The following DOK6 variants were observed in gnomAD, a reference collection of about 807,000 sequenced individuals.
DOK6 encodes downstream of tyrosine kinase 6.
In DOK6, 22 loss-of-function variants were observed where a neutral mutation model predicts 44.0. The observed-to-expected ratio is 0.50, with a 90% confidence interval of 0.36 to 0.71. The LOEUF (loss-of-function observed/expected upper bound fraction) is 0.71, where lower values mean the gene tolerates loss of function less well. Ranked by LOEUF, DOK6 falls within the 30% of genes least tolerant of loss-of-function variation. The pLI, the probability that DOK6 is intolerant of heterozygous loss-of-function variation, is 0.00. For synonymous variants in DOK6, 166 were observed against 145.5 expected (o/e 1.14, Z -1.01); for missense variants, 340 against 416.4 (o/e 0.82, Z 1.60).
intron 6 of DOK6, among the ~76,000 whole-genome samples, chr18:69,748,522 C>G (rs1312938210): frequency 2.0e-5 from 3 of 152,156 alleles, no homozygotes; most frequent in African/African-American, 7.2e-5. Context: ...ATAACAGTCT[C>G]TCAGACCACA....
chr18:69,745,457 A>G (rs1402749989), intron 6 of DOK6, among the ~76,000 whole-genome samples: 1 of 152,204 alleles, frequency 6.6e-6, no homozygotes, highest in African/African-American at 2.4e-5. Flanking sequence ...TCTTTGGAAC[A>G]ATGCTATAAA....
At chr18:69,487,177 ATGTGTGTGTGTG>A (rs5825940) in intron 1 of DOK6, among the ~76,000 whole-genome samples, 3,703 of 140,430 alleles carry the variant, frequency 0.026, 72 homozygotes, top group African/African-American at 0.054. Flanking sequence ...CTGATAGGAT[ATGTGTGTGTGTG>A]TGTGTGTGTG....
chr18:69,451,205 G>C (rs1979455995), intron 1 of DOK6, among the ~76,000 whole-genome samples: 1 of 147,284 alleles, frequency 6.8e-6, no homozygotes. Flanking sequence ...AAAATAAAAG[G>C]ATGGAGGAAG....
chr18:69,732,147 T>C (rs1219466354), intron 5 of DOK6, among the ~76,000 whole-genome samples: 1 of 152,208 alleles, frequency 6.6e-6, no homozygotes, highest in Non-Finnish European at 1.5e-5. Flanking sequence ...GCCATTATAT[T>C]GATAATTTTC....
intron 1 of DOK6, among the ~76,000 whole-genome samples, chr18:69,441,061 T>C (rs1363147079): frequency 6.6e-6 from 1 of 152,168 alleles, no homozygotes; most frequent in Non-Finnish European, 1.5e-5. Context: ...ATTAATTCTC[T>C]ATTCCCTATA....
chr18:69,619,414 C>G (rs925461803), intron 3 of DOK6, among the ~76,000 whole-genome samples: 5 of 152,182 alleles, frequency 3.3e-5, no homozygotes, highest in African/African-American at 1.2e-4. Flanking sequence ...GCCGTCATAC[C>G]ACCTTCATGA....
intron 2 of DOK6, among the ~76,000 whole-genome samples, chr18:69,595,387 G>C (rs1385056168): frequency 6.6e-6 from 1 of 152,044 alleles, no homozygotes; most frequent in African/African-American, 2.4e-5. Flanking sequence ...ATTAATTGTT[G>C]GTCTTTCTTA....
At chr18:69,709,162 C>CATCCATCG (rs1457044577) in intron 5 of DOK6, among the ~76,000 whole-genome samples, 2 of 152,162 alleles carry the variant, frequency 1.3e-5, no homozygotes, top group African/African-American at 4.8e-5. Flanking sequence ...CCTTCAAGAA[C>CATCCATCG]ATCCATCGTA....
At chr18:69,830,067 C>T (rs1454458235) in intron 7 of DOK6, among the ~76,000 whole-genome samples, 1 of 151,956 alleles carries the variant, frequency 6.6e-6, no homozygotes, top group Non-Finnish European at 1.5e-5. Context: ...TATAATTTCA[C>T]AAACAAGTGC....
intron 1 of DOK6, among the ~76,000 whole-genome samples, chr18:69,402,082 C>T (rs534553876): frequency 9.4e-4 from 143 of 152,260 alleles, no homozygotes; most frequent in African/African-American, 3.3e-3. Context: ...ACAGGAGGGG[C>T]TGTCACCTGG....
chr18:69,676,468 A>G (rs1389425644), intron 3 of DOK6, among the ~76,000 whole-genome samples: 1 of 152,122 alleles, frequency 6.6e-6, no homozygotes, highest in African/African-American at 2.4e-5. Flanking sequence ...AGTCAAGAAA[A>G]CCTGTCACAG....
chr18:69,510,387 T>A (rs1043546733), intron 1 of DOK6, among the ~76,000 whole-genome samples: 6 of 152,194 alleles, frequency 3.9e-5, no homozygotes, highest in African/African-American at 1.4e-4. Context: ...GGCCATAAAT[T>A]TGCTTTTGTA....
At chr18:69,811,555 TATATATATATATATATATATATCA>T (rs1304684328) in intron 7 of DOK6, among the ~76,000 whole-genome samples, 518 of 16,412 alleles carry the variant, frequency 0.032, 6 homozygotes, top group East Asian at 0.18. Flanking sequence ...TATATATATA[TATATATATATATATATATATATCA>T]AAACACTACG....
chr18:69,439,906 G>A (rs1454534074), intron 1 of DOK6, among the ~76,000 whole-genome samples: 1 of 152,088 alleles, frequency 6.6e-6, no homozygotes, highest in African/African-American at 2.4e-5. Context: ...ATAACTGTTT[G>A]GCACAAGAGC....
chr18:69,628,446 C>T (rs1290033420), intron 3 of DOK6, among the ~76,000 whole-genome samples: 7 of 152,168 alleles, frequency 4.6e-5, no homozygotes, highest in South Asian at 4.1e-4. Context: ...GCCAAGATCA[C>T]GCCACTGCAC....
chr18:69,761,946 T>G (rs551160506), intron 7 of DOK6, among the ~76,000 whole-genome samples: 8 of 151,996 alleles, frequency 5.3e-5, no homozygotes, highest in African/African-American at 1.9e-4. Context: ...CTGAGGGGCA[T>G]AAGGCAGAAG....
chr18:69,712,484 T>C (rs112429852), intron 5 of DOK6, among the ~76,000 whole-genome samples: 2,452 of 152,218 alleles, frequency 0.016, 61 homozygotes, highest in African/African-American at 0.055. Flanking sequence ...AAAGAACACC[T>C]AGACAGATAG....
chr18:69,480,669 G>A (rs73468832), intron 1 of DOK6, among the ~76,000 whole-genome samples: 7,267 of 152,180 alleles, frequency 0.048, 221 homozygotes, highest in Non-Finnish European at 0.05. Flanking sequence ...TTTTGAAGGC[G>A]TCTTGGTGTA....
chr18:69,458,609 A>G (rs1979695049), intron 1 of DOK6, among the ~76,000 whole-genome samples: 1 of 152,198 alleles, frequency 6.6e-6, no homozygotes, highest in South Asian at 2.1e-4. Context: ...ATTTCTCTTC[A>G]CTATCAATAT....
Sources: allele counts gnomAD v4.1 joint callset (sites outside exome capture counted in the v4.1 genomes callset), GRCh38; gene constraint gnomAD v4.1.1; transcripts MANE v1.5; gene names NCBI Gene and HGNC (gene_info 2026-07-23, HGNC 2026-07-21).